The following ZBTB20 variants were observed in gnomAD, a reference collection of about 807,000 sequenced individuals.
ZBTB20 encodes zinc finger and BTB domain containing 20.
Under a neutral mutation model 56.9 loss-of-function variants are expected in ZBTB20, and 9 were observed. That is an observed-to-expected ratio of 0.16 (90% CI 0.10 to 0.28). The LOEUF is 0.28. Among genes scored for constraint, ZBTB20 ranks in the 10% least tolerant of loss-of-function variants. The pLI is 1.00. For synonymous variants in ZBTB20, 417 were observed against 420.7 expected (o/e 0.99, Z 0.11); for missense variants, 655 against 1,003.0 (o/e 0.65, Z 4.69).
intron 7 of ZBTB20, among the ~76,000 whole-genome samples, chr3:114,494,623 C>T (rs1330141456): frequency 6.6e-6 from 1 of 152,182 alleles, no homozygotes; most frequent in East Asian, 1.9e-4. Flanking sequence ...TTTGTAAGCA[C>T]AGGAGTTTAA....
intron 2 of ZBTB20, among the ~76,000 whole-genome samples, chr3:115,032,273 A>T (rs1348680688): frequency 6.6e-6 from 1 of 151,448 alleles, no homozygotes; most frequent in East Asian, 1.9e-4. Flanking sequence ...AGGGAGTGAT[A>T]TGATTATATA....
chr3:114,821,391 T>A (rs1364195673), intron 4 of ZBTB20, among the ~76,000 whole-genome samples: 1 of 152,032 alleles, frequency 6.6e-6, no homozygotes, highest in Non-Finnish European at 1.5e-5. Flanking sequence ...TGCACATCAA[T>A]CAAGTATGTA....
chr3:114,444,362 G>A lies in ZBTB20; in HGVS notation c.-254-55257C>T, dbSNP rs113941081. Among the ~76,000 whole-genome samples, 913 of 152,184 alleles carry A rather than the reference G, an allele frequency of 6.0e-3. 8 individuals are homozygous for A. The highest frequency in any genetic ancestry group is 0.021 in the African/African-American group (882 of 41,532). On this transcript the variant is annotated intron_variant, in intron 7 of 11. Transcript: ENST00000675478. ...AGTCTCTAGGGAGTACAATGCATTT[G>A]GGTGCATTTTCCTTCATTCCTCAGA...
rs775758774 is a variant in ZBTB20 at position 114,320,524 on chromosome 3, T to C, written c.*18481A>G. On this transcript the variant is annotated 3_prime_UTR_variant, in exon 12 of 12. Coordinates refer to ENST00000675478, the MANE Select transcript of ZBTB20 (RefSeq NM_001348800.3). ...AGATTACATAATTCCAACTATGGTA[T>C]GATTGGCAAGCACTGGTTAAAAAAC... 2 of 152,230 alleles carry C rather than the reference T, an allele frequency of 1.3e-5. No individual in the cohort carries two copies. The highest frequency in any genetic ancestry group is 1.9e-4 in the East Asian group (1 of 5,208). 9.4% of individuals were successfully genotyped at this position (152,230 alleles called of 1,614,324 possible).
chr3:114,362,141 A>G (rs1019307157), intron 10 of ZBTB20, among the ~76,000 whole-genome samples: 7 of 152,084 alleles, frequency 4.6e-5, no homozygotes, highest in Non-Finnish European at 8.8e-5. Flanking sequence ...AAATACGGGA[A>G]TTTTTTTGTA....
intron 6 of ZBTB20, among the ~76,000 whole-genome samples, chr3:114,627,994 G>A (rs2058738315): frequency 6.6e-6 from 1 of 152,112 alleles, no homozygotes; most frequent in Non-Finnish European, 1.5e-5. Flanking sequence ...TGTGTCTTGG[G>A]CAAGTCAAGT....
At chr3:114,846,160 GTC>G (rs915714169) in intron 4 of ZBTB20, among the ~76,000 whole-genome samples, 12 of 151,864 alleles carry the variant, frequency 7.9e-5, no homozygotes, top group East Asian at 1.9e-4. Flanking sequence ...TAATGTGTGT[GTC>G]TGTGTGTTTG....
chr3:114,695,897 G>C (rs564092543), intron 5 of ZBTB20, among the ~76,000 whole-genome samples: 9 of 152,118 alleles, frequency 5.9e-5, no homozygotes, highest in African/African-American at 1.9e-4. Context: ...ATCCCAGTTA[G>C]AGACTAGAAT....
intron 6 of ZBTB20, among the ~76,000 whole-genome samples, chr3:114,678,722 G>C (rs2108230453): frequency 6.6e-6 from 1 of 152,196 alleles, no homozygotes; most frequent in East Asian, 1.9e-4. Context: ...CCAAAGAAAG[G>C]TATATTGTAT....
intron 6 of ZBTB20, among the ~76,000 whole-genome samples, chr3:114,529,972 C>T (rs1042684191): frequency 6.6e-6 from 1 of 152,176 alleles, no homozygotes; most frequent in Non-Finnish European, 1.5e-5. Flanking sequence ...TGTATAATGA[C>T]ATTTTAGTCT....
chr3:114,500,319 T>G (rs1388779406), intron 7 of ZBTB20, 33 bp downstream of exon 7: 1 of 152,124 alleles, frequency 6.6e-6, no homozygotes, highest in Non-Finnish European at 1.5e-5. Flanking sequence ...TGACACTTTT[T>G]TTTTTAAAGG....
chr3:114,778,244 TTAATAATAATAATAATAA>T (rs370933299), intron 5 of ZBTB20, among the ~76,000 whole-genome samples: 1 of 137,886 alleles, frequency 7.3e-6, no homozygotes, highest in East Asian at 2.1e-4. Context: ...TTAAAGTATG[TTAATAATAATAATAATAA>T]TAATAATAAT....
chr3:114,642,120 T>C (rs915499475), intron 6 of ZBTB20, among the ~76,000 whole-genome samples: 3 of 152,040 alleles, frequency 2.0e-5, no homozygotes, highest in Admixed American at 6.6e-5. Context: ...ATTTTAAATA[T>C]ACTCTACTTG....
At chr3:114,860,034 C>T (rs1031084935) in intron 4 of ZBTB20, among the ~76,000 whole-genome samples, 1 of 152,188 alleles carries the variant, frequency 6.6e-6, no homozygotes, top group African/African-American at 2.4e-5. Context: ...TACAGCCGGG[C>T]GCGGTGGCTC....
chr3:114,465,842 C>T (rs2092528109), intron 7 of ZBTB20, among the ~76,000 whole-genome samples: 1 of 152,086 alleles, frequency 6.6e-6, no homozygotes, highest in African/African-American at 2.4e-5. Context: ...ACAGGTATTC[C>T]CTGTGGCAGA....
chr3:114,894,027 T>C (rs1186642790), intron 4 of ZBTB20, among the ~76,000 whole-genome samples: 2 of 152,224 alleles, frequency 1.3e-5, no homozygotes, highest in Non-Finnish European at 2.9e-5. Flanking sequence ...CAAGTCCTAA[T>C]GACAACAACA....
At chr3:114,402,368 A>G (rs1033361745) in intron 7 of ZBTB20, among the ~76,000 whole-genome samples, 2 of 152,186 alleles carry the variant, frequency 1.3e-5, no homozygotes, top group African/African-American at 4.8e-5. Context: ...TTGAAGAAGC[A>G]AACAGGAGAA....
At chr3:114,816,162 G>T (rs2072901417) in intron 4 of ZBTB20, among the ~76,000 whole-genome samples, 1 of 152,098 alleles carries the variant, frequency 6.6e-6, no homozygotes, top group African/African-American at 2.4e-5. Context: ...AGTGGGCTCT[G>T]TTATATATTC....
intron 4 of ZBTB20, among the ~76,000 whole-genome samples, chr3:114,804,872 A>G (rs2071986076): frequency 1.3e-5 from 2 of 152,050 alleles, no homozygotes; most frequent in South Asian, 2.1e-4. Flanking sequence ...CATCAAAAAT[A>G]ATAGTAATTC....
Sources: allele counts gnomAD v4.1 joint callset (sites outside exome capture counted in the v4.1 genomes callset), GRCh38; gene constraint gnomAD v4.1.1; transcripts MANE v1.5; gene names NCBI Gene and HGNC (gene_info 2026-07-23, HGNC 2026-07-21).